Variants in PBRM1 observed in about 807,000 individuals in gnomAD.
PBRM1 encodes the protein polybromo 1.
Under a neutral mutation model 194.5 loss-of-function variants are expected in PBRM1, and 27 were observed. The observed-to-expected ratio is 0.14, with a 90% CI of 0.10 to 0.19. The LOEUF (loss-of-function observed/expected upper bound fraction) is 0.19. Among genes scored for constraint, PBRM1 ranks in the 10% least tolerant of loss-of-function variants. PBRM1 has a pLI of 1.00. For missense variants in PBRM1, 1,466 were observed against 2,077.2 expected (o/e 0.71, Z 5.72); for synonymous variants, 655 against 693.2 (o/e 0.94, Z 0.87).
chr3:52,577,761 A>G (rs973732431), intron 21 of PBRM1, among the ~76,000 whole-genome samples: 1 of 152,194 alleles, frequency 6.6e-6, no homozygotes, highest in Non-Finnish European at 1.5e-5. Context: ...TGCCTGGATT[A>G]TTGCAACAGC....
intron 8 of PBRM1, among the ~76,000 whole-genome samples, chr3:52,643,728 T>C (rs2096197289): frequency 6.6e-6 from 1 of 152,102 alleles, no homozygotes; most frequent in South Asian, 2.1e-4. Context: ...TCCCAGCACT[T>C]TGGGAGGCCG....
chr3:52,681,825 A>G (rs2097209316), upstream of PBRM1: 4 of 502,780 alleles, frequency 8.0e-6, no homozygotes, highest in Non-Finnish European at 1.1e-5. Context: ...TCAAAACTGA[A>G]AAAGAAGAAC....
chr3:52,632,633 T>C (rs1485786597), intron 11 of PBRM1, among the ~76,000 whole-genome samples: 1 of 150,962 alleles, frequency 6.6e-6, no homozygotes, highest in Non-Finnish European at 1.5e-5. Flanking sequence ...AAAAGGTTAC[T>C]ATCCCCCCCA....
intron 2 of PBRM1, among the ~76,000 whole-genome samples, chr3:52,677,505 C>G (rs1479978356): frequency 2.0e-5 from 3 of 151,712 alleles, no homozygotes; most frequent in Admixed American, 1.3e-4. Flanking sequence ...CTCCACCTCC[C>G]GGGTTCAAGT....
intron 20 of PBRM1, among the ~76,000 whole-genome samples, chr3:52,582,462 T>C (rs947978398): frequency 6.3e-5 from 9 of 142,622 alleles, no homozygotes; most frequent in African/African-American, 2.3e-4. Context: ...TAGGCTGGAA[T>C]GCAGTGGCGT....
At chr3:52,610,329 C>G (rs1487031100) in intron 15 of PBRM1, among the ~76,000 whole-genome samples, 1 of 152,192 alleles carries the variant, frequency 6.6e-6, no homozygotes, top group Non-Finnish European at 1.5e-5. Context: ...GGCCTTTAAT[C>G]TCAATTGAAA....
At chr3:52,568,210 C>T (rs2085968042) in intron 22 of PBRM1, among the ~76,000 whole-genome samples, 1 of 152,170 alleles carries the variant, frequency 6.6e-6, no homozygotes, top group African/African-American at 2.4e-5. Flanking sequence ...GACTCCTGAC[C>T]TCAGGTGATC....
exon 17 of PBRM1, chr3:52,603,549 A>G (rs2094148244): frequency 6.3e-7 from 1 of 1,597,732 alleles, no homozygotes; most frequent in Non-Finnish European, 8.6e-7. Context: ...GTTTTAGTTT[A>G]TCTTCCTCTA....
chr3:52,654,890 T>G (rs1239262284), intron 5 of PBRM1, among the ~76,000 whole-genome samples: 1 of 152,008 alleles, frequency 6.6e-6, no homozygotes, highest in African/African-American at 2.4e-5. Flanking sequence ...TAGGCTCAAG[T>G]GATCCTCCAA....
In PBRM1 at chr3:52,679,615, T is replaced by C. The variant is rs1296531217; in HGVS notation, c.97A>G (p.Arg33Gly). The stretch of plus-strand genomic sequence containing the variant: ...AGATTGGAAAGTCTCCTCCTTTTCC[T>C]GCTTGGGCCTGGTGTTGACACAGAA... Residue 33 changes from arginine (R) to glycine (G), a missense_variant, in exon 1 of 30, where the codon AGG becomes GGG. By Grantham distance (125) the Arg-to-Gly change is moderately radical (BLOSUM62 -2). This residue lies in a region of PBRM1 where 457 missense variants were observed against 591.6 expected (regional missense o/e 0.77). Transcript: ENST00000296302. 12 of 1,613,968 alleles carry C rather than the reference T, an allele frequency of 7.4e-6. No homozygotes were observed. The Admixed American group carries it at 1.8e-4, about 25-fold the overall frequency.
At chr3:52,577,732 T>C (rs2090049457) in intron 21 of PBRM1, among the ~76,000 whole-genome samples, 1 of 152,182 alleles carries the variant, frequency 6.6e-6, no homozygotes, top group South Asian at 2.1e-4. Flanking sequence ...ATCACCCTGG[T>C]CTGAAGCATG....
chr3:52,570,169 G>A (rs552270940), intron 22 of PBRM1, among the ~76,000 whole-genome samples: 1 of 152,266 alleles, frequency 6.6e-6, no homozygotes, highest in South Asian at 2.1e-4. Flanking sequence ...TAGAGACAGA[G>A]TTTCACCATG....
upstream of PBRM1, chr3:52,681,123 G>A (rs1018967128): frequency 3.3e-5 from 5 of 150,826 alleles, no homozygotes; most frequent in Admixed American, 2.0e-4. Context: ...ATAATTGTAA[G>A]GCACATGGAA....
At chr3:52,666,873 C>T (rs979011490) in intron 3 of PBRM1, among the ~76,000 whole-genome samples, 2 of 111,924 alleles carry the variant, frequency 1.8e-5, no homozygotes, top group Non-Finnish European at 3.7e-5. Flanking sequence ...GCCTGGGCAA[C>T]AAAGGAGATC....
chr3:52,679,109 T>C (rs2097160781), intron 1 of PBRM1, among the ~76,000 whole-genome samples: 2 of 152,238 alleles, frequency 1.3e-5, no homozygotes, highest in Admixed American at 1.3e-4. Context: ...CCAACCCCTC[T>C]GCACTGGTTC....
chr3:52,618,976 C>T (rs989261559), intron 13 of PBRM1, among the ~76,000 whole-genome samples: 14 of 152,042 alleles, frequency 9.2e-5, no homozygotes, highest in Admixed American at 2.0e-4. Flanking sequence ...CTCGAACTCC[C>T]GACCTCAGGT....
chr3:52,627,368 T>C (rs1175137679), exon 13 of PBRM1: 3 of 1,606,040 alleles, frequency 1.9e-6, no homozygotes, highest in Admixed American at 1.7e-5. Context: ...CTTTCTTCTT[T>C]GCCTAAAACA....
chr3:52,565,494 C>T (rs2084900219), intron 22 of PBRM1, among the ~76,000 whole-genome samples: 1 of 148,830 alleles, frequency 6.7e-6, no homozygotes, highest in South Asian at 2.1e-4. Flanking sequence ...GGCAATAGAG[C>T]GAGACTCAGT....
chr3:52,648,835 A>G (rs2096402913), intron 6 of PBRM1, among the ~76,000 whole-genome samples: 1 of 152,234 alleles, frequency 6.6e-6, no homozygotes, highest in African/African-American at 2.4e-5. Context: ...TAGTTACATG[A>G]ACCACTTGGG....
Sources: gnomAD v4.1 joint callset for allele counts (sites outside exome capture counted in the v4.1 genomes callset) on GRCh38, gnomAD v4.1.1 for gene constraint, gnomAD v4.1.1 regional missense constraint, MANE v1.5 for transcripts, NCBI Gene and HGNC (gene_info 2026-07-23, HGNC 2026-07-21) for gene names.